The following ANKIB1 variants were observed in gnomAD, a reference collection of about 807,000 sequenced individuals.
ANKIB1 encodes ankyrin repeat and IBR domain containing 1.
ANKIB1 carries 43 observed loss-of-function variants against 122.1 expected under a neutral mutation model. The observed-to-expected ratio is 0.35, with a 90% CI of 0.28 to 0.45. The LOEUF (loss-of-function observed/expected upper bound fraction) is 0.45, where lower values mean the gene tolerates loss of function less well. ANKIB1 is among the 20% of genes least tolerant of loss of function. The probability of loss-of-function intolerance (pLI) is 1.00; values close to 1 mark genes in which losing one functional copy is unlikely to be tolerated. For missense variants in ANKIB1, 992 were observed against 1,329.5 expected (o/e 0.75, Z 3.95); for synonymous variants, 390 against 442.0 (o/e 0.88, Z 1.48).
chr7:92,278,893 A>G (rs1261001083), intron 1 of ANKIB1, among the ~76,000 whole-genome samples: 16 of 152,178 alleles, frequency 1.1e-4, no homozygotes, highest in Admixed American at 9.8e-4. Context: ...TTATCAGTCT[A>G]TTGTTGTAAG....
intron 1 of ANKIB1, among the ~76,000 whole-genome samples, chr7:92,293,315 G>A (rs1308753550): frequency 6.6e-6 from 1 of 152,148 alleles, no homozygotes; most frequent in African/African-American, 2.4e-5. Flanking sequence ...AGCCTATGTC[G>A]AACACTGTGC....
chr7:92,260,337 C>T (rs1384183677), intron 1 of ANKIB1, among the ~76,000 whole-genome samples: 1 of 152,154 alleles, frequency 6.6e-6, no homozygotes, highest in Non-Finnish European at 1.5e-5. Context: ...ATACTCTTTC[C>T]CCTAGATACC....
chr7:92,355,061 T>G (rs996472915), intron 9 of ANKIB1, among the ~76,000 whole-genome samples: 1 of 152,178 alleles, frequency 6.6e-6, no homozygotes, highest in Non-Finnish European at 1.5e-5. Context: ...CAAGTAGTAT[T>G]AATAGGCATT....
At chr7:92,397,893 T>TC in intron 19 of ANKIB1, 34 bp downstream of exon 19, 2 of 1,584,808 alleles carry the variant, frequency 1.3e-6, no homozygotes, top group Non-Finnish European at 1.7e-6. Flanking sequence ...TGCCTGTGCT[T>TC]TTACTCTTTC....
intron 1 of ANKIB1, among the ~76,000 whole-genome samples, chr7:92,261,088 G>T (rs1276182678): frequency 6.6e-6 from 1 of 151,948 alleles, no homozygotes; most frequent in Non-Finnish European, 1.5e-5. Context: ...GGTGGCTCAC[G>T]CCTGTAATCC....
At chr7:92,314,683 ACTAT>A (rs1562779525) in intron 3 of ANKIB1, among the ~76,000 whole-genome samples, 3 of 152,182 alleles carry the variant, frequency 2.0e-5, no homozygotes, top group African/African-American at 4.8e-5. Context: ...ACCTAATATG[ACTAT>A]CAAGCTACCC....
Position 92,343,228 on chromosome 7 carries a change from G to T in ANKIB1, c.992G>T (p.Ser331Ile), listed in dbSNP as rs754461918. ...TTATCTCCTGGGGATTTAGACACCA[G>T]TTTGGTATGGTTTGGTATTCACTGT... ...ISLSPGDLDT[S>I]LCDICMCSIS... The change falls in exon 6 of 20, where the codon AGT becomes ATT. Residue 331 changes from serine to isoleucine, a missense_variant. Around this residue, in one of 4 missense-constraint regions of ANKIB1, gnomAD observed 521 missense variants for 777.7 expected, o/e 0.67. Coordinates refer to ENST00000265742, the MANE Select transcript of ANKIB1 (RefSeq NM_019004.2). 2 of 1,611,104 alleles carry T rather than the reference G, an allele frequency of 1.2e-6. No homozygotes were observed. Among genetic ancestry groups the T allele is most frequent in the Non-Finnish European group, 1.7e-6 (2 of 1,177,716 alleles).
chr7:92,380,026 C>G (rs941151779), intron 11 of ANKIB1, among the ~76,000 whole-genome samples: 1 of 152,188 alleles, frequency 6.6e-6, no homozygotes, highest in African/African-American at 2.4e-5. Flanking sequence ...CCGGGAAAAT[C>G]GGGACACTGC....
intron 9 of ANKIB1, among the ~76,000 whole-genome samples, chr7:92,361,970 C>T (rs945902671): frequency 6.6e-5 from 10 of 152,098 alleles, no homozygotes; most frequent in Admixed American, 3.3e-4. Flanking sequence ...CCACCACGCC[C>T]GACTAATTTT....
intron 11 of ANKIB1, among the ~76,000 whole-genome samples, chr7:92,385,257 A>G (rs1804609878): frequency 6.6e-6 from 1 of 152,238 alleles, no homozygotes; most frequent in African/African-American, 2.4e-5. Flanking sequence ...ATGTGGAAAA[A>G]TAGGAACGCT....
At chr7:92,380,414 C>T (rs962930491) in intron 11 of ANKIB1, among the ~76,000 whole-genome samples, 13 of 152,180 alleles carry the variant, frequency 8.5e-5, no homozygotes, top group Admixed American at 6.5e-4. Context: ...GCTCTGAGAA[C>T]GGACAGACCA....
At chr7:92,283,583 T>C (rs1802053795) in intron 1 of ANKIB1, among the ~76,000 whole-genome samples, 1 of 152,216 alleles carries the variant, frequency 6.6e-6, no homozygotes, top group Admixed American at 6.6e-5. Context: ...AGGAATTCTG[T>C]GTCCCCTTCA....
At chr7:92,254,844 G>C (rs1331706156) in intron 1 of ANKIB1, among the ~76,000 whole-genome samples, 1 of 152,020 alleles carries the variant, frequency 6.6e-6, no homozygotes, top group Non-Finnish European at 1.5e-5. Context: ...GCTATGGTTT[G>C]GCTATGTCCC....
At chr7:92,292,332 CAG>C (rs1406652082) in intron 1 of ANKIB1, among the ~76,000 whole-genome samples, 1 of 152,162 alleles carries the variant, frequency 6.6e-6, no homozygotes, top group Non-Finnish European at 1.5e-5. Context: ...TCCTTTTCAA[CAG>C]AGTAACAGTA....
At position 92,364,809 on chromosome 7, in the gene ANKIB1, G is replaced by A. The variant is rs181065315; in HGVS notation, c.1486+2536G>A. 3.3e-5 allele frequency among the ~76,000 whole-genome samples: 5 copies of A among 152,284 alleles called. No individual in the cohort carries two copies. The East Asian group carries it at 9.6e-4, about 29-fold the overall frequency. The stretch of plus-strand genomic sequence containing the variant: ...TATCAAGATAACTGATGAGTATGAA[G>A]GGTGAATTGAAGAAAAGATAGACTA... On this transcript the variant is annotated intron_variant, in intron 10 of 19. Transcript: ENST00000265742.
At chr7:92,376,276 C>G (rs897989302) in intron 11 of ANKIB1, among the ~76,000 whole-genome samples, 3 of 152,136 alleles carry the variant, frequency 2.0e-5, no homozygotes, top group Non-Finnish European at 4.4e-5. Context: ...TTTTCTGTAG[C>G]TATGAAAATC....
chr7:92,247,916 T>G (rs1801218117), intron 1 of ANKIB1, among the ~76,000 whole-genome samples: 1 of 152,188 alleles, frequency 6.6e-6, no homozygotes, highest in African/African-American at 2.4e-5. Flanking sequence ...CAGTTGATTT[T>G]GGGCTATTAT....
chr7:92,359,532 A>ATGTG (rs1202719031), intron 9 of ANKIB1, among the ~76,000 whole-genome samples: 1 of 152,046 alleles, frequency 6.6e-6, no homozygotes, highest in Non-Finnish European at 1.5e-5. Context: ...CAATAAACAT[A>ATGTG]TGTGTGTGTG....
intron 5 of ANKIB1, among the ~76,000 whole-genome samples, chr7:92,331,091 G>A (rs190873629): frequency 1.6e-4 from 25 of 152,174 alleles, no homozygotes; most frequent in African/African-American, 4.8e-4. Context: ...GAGCCACTGC[G>A]TCATAGTTGT....
Sources: gnomAD v4.1 joint callset for allele counts (sites outside exome capture counted in the v4.1 genomes callset) on GRCh38, gnomAD v4.1.1 for gene constraint, gnomAD v4.1.1 regional missense constraint, MANE v1.5 for transcripts, NCBI Gene and HGNC (gene_info 2026-07-23, HGNC 2026-07-21) for gene names.